CDH4: variants seen among roughly 807,000 people sequenced by gnomAD.
The protein encoded by CDH4 is cadherin 4, also known as cadherin-4.
CDH4 carries 33 observed loss-of-function variants against 86.0 expected under a neutral mutation model. The ratio of observed to expected loss-of-function variants is 0.38; its 90% CI spans 0.29 to 0.51. The LOEUF (loss-of-function observed/expected upper bound fraction) is 0.51. Among genes scored for constraint, CDH4 ranks in the 20% least tolerant of loss-of-function variants. The pLI, the probability that CDH4 is intolerant of heterozygous loss-of-function variation, is 0.86. For synonymous variants in CDH4, 555 were observed against 549.4 expected, an observed-to-expected ratio of 1.01 and a Z score of -0.14; for missense variants, 1,114 against 1,307.4, an observed-to-expected ratio of 0.85 and a Z score of 2.28.
At chr20:61,397,052 C>T (rs1302660793) in intron 2 of CDH4, among the ~76,000 whole-genome samples, 1 of 152,114 alleles carries the variant, frequency 6.6e-6, no homozygotes, top group African/African-American at 2.4e-5. Context: ...GCTGGGATTA[C>T]AGGTGCGCCA....
chr20:61,533,638 G>A (rs999360646), intron 2 of CDH4, among the ~76,000 whole-genome samples: 6 of 152,322 alleles, frequency 3.9e-5, no homozygotes, highest in Admixed American at 6.5e-5. Flanking sequence ...GAGCTACTTC[G>A]GGTACAGGGG....
At chr20:61,600,042 G>A in intron 2 of CDH4, 4 of 799,626 alleles carry the variant, frequency 5.0e-6, no homozygotes, top group Non-Finnish European at 6.1e-6. Flanking sequence ...TAATTTAAGA[G>A]CCTCTCTATT....
At chr20:61,514,120 G>A (rs2085799942) in intron 2 of CDH4, among the ~76,000 whole-genome samples, 1 of 152,246 alleles carries the variant, frequency 6.6e-6, no homozygotes, top group African/African-American at 2.4e-5. Context: ...ACATCTTGAA[G>A]TGAGGGCTGA....
intron 6 of CDH4, among the ~76,000 whole-genome samples, chr20:61,861,737 A>C (rs1983335206): frequency 6.6e-6 from 1 of 152,106 alleles, no homozygotes; most frequent in Non-Finnish European, 1.5e-5. Flanking sequence ...GGCGCCCCCA[A>C]GCGTCACGTA....
intron 2 of CDH4, among the ~76,000 whole-genome samples, chr20:61,335,228 G>A (rs776471468): frequency 9.9e-5 from 15 of 152,208 alleles, no homozygotes; most frequent in South Asian, 2.1e-4. Context: ...GCCAGCAGTC[G>A]TCCCTGTGTT....
chr20:61,846,972 C>T (rs572966547), intron 5 of CDH4, among the ~76,000 whole-genome samples: 96 of 152,304 alleles, frequency 6.3e-4, no homozygotes, highest in African/African-American at 2.2e-3. Flanking sequence ...GTAGGGCTGC[C>T]GGGTGCCTGT....
At chr20:61,774,028 A>C (rs2088810335) in intron 4 of CDH4, among the ~76,000 whole-genome samples, 1 of 152,154 alleles carries the variant, frequency 6.6e-6, no homozygotes, top group African/African-American at 2.4e-5. Flanking sequence ...GGACCCCACC[A>C]GGGAGCAGCC....
chr20:61,618,863 C>G (rs1213209368), intron 2 of CDH4, among the ~76,000 whole-genome samples: 2 of 152,196 alleles, frequency 1.3e-5, no homozygotes, highest in African/African-American at 4.8e-5. Flanking sequence ...GACTTTCCAG[C>G]CTTCTGTTCT....
At chr20:61,407,000 C>T (rs2085087931) in intron 2 of CDH4, among the ~76,000 whole-genome samples, 1 of 150,628 alleles carries the variant, frequency 6.6e-6, no homozygotes, top group Admixed American at 6.6e-5. Flanking sequence ...ACCATCTGCT[C>T]TGCCCGGACC....
intron 2 of CDH4, among the ~76,000 whole-genome samples, chr20:61,526,244 G>A (rs1212880424): frequency 4.0e-5 from 6 of 151,768 alleles, no homozygotes; most frequent in African/African-American, 9.7e-5. Context: ...TCTTCTCTTC[G>A]TAGGGATAAA....
intron 2 of CDH4, among the ~76,000 whole-genome samples, chr20:61,476,534 C>T (rs1288764231): frequency 6.6e-6 from 1 of 152,170 alleles, no homozygotes; most frequent in Admixed American, 6.5e-5. Context: ...ACATTACAGC[C>T]CTGGAACCTG....
Position 61,559,813 on chromosome 20 carries a change from C to G in CDH4, c.170-183750C>G, listed in dbSNP as rs561924979. 2.6e-5 allele frequency among the ~76,000 whole-genome samples: 4 copies of G among 152,246 alleles called. No individual in the cohort carries two copies. In the South Asian group the frequency reaches 6.2e-4, roughly 24 times the overall value. ...GGATTATAGGTGTGAGCCACTGCACCCAGCCGGATTCTCCTTTCTCCCTGC... is the reference window on the plus strand; with the variant it reads ...GGATTATAGGTGTGAGCCACTGCACGCAGCCGGATTCTCCTTTCTCCCTGC... On this transcript the variant is annotated intron_variant, in intron 2 of 15. Transcript: ENST00000614565.
At chr20:61,514,964 T>C (rs1037335842) in intron 2 of CDH4, among the ~76,000 whole-genome samples, 1 of 152,104 alleles carries the variant, frequency 6.6e-6, no homozygotes. Flanking sequence ...TTGCCTGGCA[T>C]TGGGGCGGGG....
intron 2 of CDH4, among the ~76,000 whole-genome samples, chr20:61,557,187 TTC>T (rs1218965603): frequency 6.6e-6 from 1 of 152,182 alleles, no homozygotes; most frequent in Non-Finnish European, 1.5e-5. Context: ...GACAGGATCT[TTC>T]TCTAAAGGGC....
At chr20:61,422,442 AAAAAAAAAAAAAAAAAAAAAAAAAAC>A (rs2085184031) in intron 2 of CDH4, among the ~76,000 whole-genome samples, 3 of 98,708 alleles carry the variant, frequency 3.0e-5, no homozygotes, top group African/African-American at 8.6e-5. Flanking sequence ...AAAAAAAAAA[AAAAAAAAAAAAAAAAAAAAAAAAAAC>A]CAAATCTCCC....
chr20:61,272,990 G>A lies in CDH4; in HGVS notation c.169+18053G>A, dbSNP rs1360358716. Among the ~76,000 whole-genome samples the A allele has an allele frequency of 2.0e-4, 14 of 69,166 alleles. No individual in the cohort carries two copies. In the East Asian group the frequency reaches 2.0e-3, roughly 10 times the overall value. 45.4% of individuals were successfully genotyped at this position (69,166 alleles called of 152,430 possible). ...ACCATGTGCAGTTTTGGGGAGTACC[G>A]TGTGCAGTTTGGGGGAGTATTGGGG... On this transcript the variant is annotated intron_variant, in intron 2 of 15. Coordinates refer to ENST00000614565, the MANE Select transcript of CDH4 (RefSeq NM_001794.5).
At chr20:61,746,912 C>T (rs924969182) in intron 3 of CDH4, among the ~76,000 whole-genome samples, 5 of 152,202 alleles carry the variant, frequency 3.3e-5, no homozygotes, top group South Asian at 2.1e-4. Context: ...CTGGTTGATG[C>T]GCCCTTACAG....
chr20:61,718,686 T>A (rs573985571), intron 2 of CDH4: 54 of 412,894 alleles, frequency 1.3e-4, no homozygotes, highest in Admixed American at 3.5e-4. Flanking sequence ...GGAGCCTGCA[T>A]GACACTGTGT....
chr20:61,780,723 G>A (rs1319678786), intron 4 of CDH4, among the ~76,000 whole-genome samples: 2 of 152,194 alleles, frequency 1.3e-5, no homozygotes, highest in Admixed American at 6.5e-5. Context: ...TGGGAGAAAT[G>A]GATAGTAGAC....
Sources: gnomAD v4.1 joint callset for allele counts (sites outside exome capture counted in the v4.1 genomes callset) on GRCh38, gnomAD v4.1.1 for gene constraint, MANE v1.5 for transcripts, NCBI Gene and HGNC (gene_info 2026-07-23, HGNC 2026-07-21) for gene names.